The following MS4A6E variants were observed in gnomAD, a reference collection of about 807,000 sequenced individuals.
MS4A6E encodes membrane-spanning 4-domains subfamily A member 6E.
A neutral mutation model predicts 13.2 loss-of-function variants in MS4A6E; 8 were observed. The ratio of observed to expected loss-of-function variants is 0.60; its 90% confidence interval spans 0.35 to 1.09. The LOEUF (loss-of-function observed/expected upper bound fraction) is 1.09. Ranked by LOEUF, MS4A6E falls within the 50% of genes least tolerant of loss-of-function variation. The probability of loss-of-function intolerance (pLI) is 0.02; values close to 1 mark genes in which losing one functional copy is unlikely to be tolerated. For synonymous variants in MS4A6E, 72 were observed against 67.6 expected, an observed-to-expected ratio of 1.06 and a Z score of -0.32; for missense variants, 177 against 171.1, an observed-to-expected ratio of 1.03 and a Z score of -0.19.
chr11:60,337,979 T>A, intron 3 of MS4A6E, 32 bp downstream of exon 3: 1 of 1,588,130 alleles, frequency 6.3e-7, no homozygotes, highest in Non-Finnish European at 8.6e-7. Context: ...TGTTCTAATT[T>A]TATGAGGTTT....
At chr11:60,339,188 T>C (rs532278328) in intron 3 of MS4A6E, among the ~76,000 whole-genome samples, 2 of 152,346 alleles carry the variant, frequency 1.3e-5, no homozygotes, top group African/African-American at 4.8e-5. Context: ...ACAGAAATGG[T>C]AGAACTCATC....
intron 1 of MS4A6E, among the ~76,000 whole-genome samples, chr11:60,329,753 C>CT: frequency 6.6e-6 from 1 of 150,490 alleles, no homozygotes; most frequent in East Asian, 1.9e-4. Context: ...TGATGATGAG[C>CT]TTTTTTTCCT....
intron 1 of MS4A6E, among the ~76,000 whole-genome samples, chr11:60,332,017 C>T (rs2085159325): frequency 6.6e-6 from 1 of 152,174 alleles, no homozygotes; most frequent in Non-Finnish European, 1.5e-5. Context: ...TTTGTTTTTT[C>T]AGCCACCTAG....
intron 3 of MS4A6E, 106 bp from the exon 4 acceptor site, chr11:60,339,760 T>C: frequency 1.1e-6 from 1 of 931,194 alleles, no homozygotes; most frequent in Non-Finnish European, 1.7e-6. Flanking sequence ...CCTTACTTCA[T>C]TCTCTAATGG....
chr11:60,345,647 T>A (rs1250310854), downstream of MS4A6E, among the ~76,000 whole-genome samples: 1 of 152,228 alleles, frequency 6.6e-6, no homozygotes, highest in Non-Finnish European at 1.5e-5. Context: ...GAACAAGTGT[T>A]TAACTCAATT....
rs1004088182 is a variant in MS4A6E, at chr11:60,337,752, C to G, written c.159C>G (p.Ser53Arg). The change falls in exon 3 of 5, where the codon AGC becomes AGG. Residue 53 changes from serine (S) to arginine (R), a missense_variant. Physicochemically the swap from Ser to Arg is moderately radical, Grantham distance 110. Transcript: ENST00000684409. ...AKVKVIGVHSSLAGSILSALS... is the reference protein window; with the variant it reads ...AKVKVIGVHSRLAGSILSALS... ...CATGTCTCTTTCAGGTGCATAGCAG[C>G]CTGGCTGGAAGCATTCTGAGTGCTC... The G allele has an allele frequency of 6.2e-7, 1 of 1,614,042 alleles. No homozygotes were observed. The highest frequency in any genetic ancestry group is 1.3e-5 in the African/African-American group (1 of 74,918).
At position 60,341,283 on chromosome 11, in the gene MS4A6E, A is replaced by C. The variant is rs933398520; in HGVS notation, c.*517A>C. Among the ~76,000 whole-genome samples, 2 of 152,236 alleles carry C rather than the reference A, an allele frequency of 1.3e-5. No homozygotes were observed. Among genetic ancestry groups the C allele is most frequent in the Non-Finnish European group, 2.9e-5 (2 of 68,036 alleles). The stretch of plus-strand genomic sequence containing the variant: ...TGCATAAAGGCAAACCCCATAATGA[A>C]GTCTCCGAGTGTATGAAAGTAGCCG... On this transcript the variant is annotated 3_prime_UTR_variant, in exon 5 of 5. Coordinates refer to ENST00000684409, the MANE Select transcript of MS4A6E (RefSeq NM_139249.4).
intron 1 of MS4A6E, among the ~76,000 whole-genome samples, chr11:60,331,688 A>G (rs968288796): frequency 3.9e-5 from 6 of 152,178 alleles, no homozygotes; most frequent in Non-Finnish European, 7.3e-5. Flanking sequence ...ACTTTAATCA[A>G]TTGATTCGGG....
At chr11:60,348,555 A>T (rs1252708204) in intron 4 of MS4A6E, among the ~76,000 whole-genome samples, 2 of 152,220 alleles carry the variant, frequency 1.3e-5, no homozygotes, top group African/African-American at 4.8e-5. Flanking sequence ...AAAGGAGGAA[A>T]TTTGCAATAG....
At chr11:60,343,340 C>CTT (rs767187385), downstream of MS4A6E, among the ~76,000 whole-genome samples, 1 of 151,760 alleles carries the variant, frequency 6.6e-6, no homozygotes, top group Non-Finnish European at 1.5e-5. Flanking sequence ...TAAAAGGAAC[C>CTT]TTTTTTTTGC....
chr11:60,339,855 T>C lies in MS4A6E; in HGVS notation c.355-11T>C, dbSNP rs977581451. The C allele has an allele frequency of 1.2e-6, 2 of 1,612,570 alleles. No homozygotes were observed. Among genetic ancestry groups the C allele is most frequent in the African/African-American group, 1.3e-5 (1 of 75,006 alleles). ...CCAAGCATCACTGATATTTTATTTC[T>C]TGACTTTCAGGGAACTCTGTCTCTG... On this transcript the variant is annotated splice_polypyrimidine_tract_variant and intron_variant, in intron 3 of 4. Coordinates refer to ENST00000684409, the MANE Select transcript of MS4A6E (RefSeq NM_139249.4).
At chr11:60,335,109 G>C (rs1486096157) in intron 2 of MS4A6E, 67 bp downstream of exon 2, 2 of 1,586,318 alleles carry the variant, frequency 1.3e-6, no homozygotes, top group African/African-American at 2.7e-5. Flanking sequence ...GTATGTTTTG[G>C]GACTGGTCAT....
At chr11:60,338,313 C>T (rs2085202264) in intron 3 of MS4A6E, among the ~76,000 whole-genome samples, 1 of 152,028 alleles carries the variant, frequency 6.6e-6, no homozygotes, top group Admixed American at 6.6e-5. Context: ...CCCGGGTGAT[C>T]AGAAAATGCT....
rs1357020786 is a variant in MS4A6E, at chr11:60,337,606, TACA to T, written c.148-130_148-128del. On this transcript the variant is annotated intron_variant, in intron 2 of 4. Transcript: ENST00000684409. Reference sequence around the variant, plus strand: ...TTTTTGGCTGGACACTGGAGAGGCCTACAACAAGAAATGATCCCTCCGGGACTT... The same window carrying T: ...TTTTTGGCTGGACACTGGAGAGGCCTACAAGAAATGATCCCTCCGGGACTT... 3.7e-6 allele frequency: 4 copies of T among 1,083,606 alleles called. No individual in the cohort carries two copies. The African/African-American group carries it at 6.3e-5, about 17-fold the overall frequency. The allele number at this position is 1,083,606 out of a possible 1,614,324, so 67.1% of individuals were successfully genotyped here.
chr11:60,334,157 G>A lies in MS4A6E; in HGVS notation c.-14-725G>A, dbSNP rs528208502. 2.0e-5 allele frequency among the ~76,000 whole-genome samples: 3 copies of A among 152,270 alleles called. No homozygotes were observed. In the East Asian group the frequency reaches 5.8e-4, roughly 29 times the overall value. On this transcript the variant is annotated intron_variant, in intron 1 of 4. Transcript: ENST00000684409. ...TGCAGAGTTTGGATGCCATGTTGGG[G>A]GCCTCTGAGAACAAAGGCAAGCACC...
intron 4 of MS4A6E, among the ~76,000 whole-genome samples, chr11:60,347,787 A>G (rs1237730307): frequency 6.6e-6 from 1 of 152,060 alleles, no homozygotes; most frequent in African/African-American, 2.4e-5. Flanking sequence ...GGGCTTAGTC[A>G]TGCATACCCA....
intron 1 of MS4A6E, among the ~76,000 whole-genome samples, chr11:60,331,024 G>A (rs1175181541): frequency 1.3e-5 from 2 of 152,092 alleles, no homozygotes; most frequent in Non-Finnish European, 2.9e-5. Flanking sequence ...CTGTAGCCTT[G>A]TAATATAGTT....
At chr11:60,328,767 AAG>A (rs34809259) in intron 1 of MS4A6E, among the ~76,000 whole-genome samples, 58,015 of 151,510 alleles carry the variant, frequency 0.38, 11,531 homozygotes, top group Admixed American at 0.41. Context: ...GGGGTAGAAG[AAG>A]AGAGAGAGAG....
chr11:60,331,261 T>C (rs2085154329), intron 1 of MS4A6E, among the ~76,000 whole-genome samples: 1 of 152,060 alleles, frequency 6.6e-6, no homozygotes, highest in Non-Finnish European at 1.5e-5. Flanking sequence ...ATCCAATATA[T>C]AGTTCTTATT....
Sources: gnomAD v4.1 joint callset for allele counts (sites outside exome capture counted in the v4.1 genomes callset) on GRCh38, gnomAD v4.1.1 for gene constraint, MANE v1.5 for transcripts, NCBI Gene and HGNC (gene_info 2026-07-23, HGNC 2026-07-21) for gene names.